The following ACLY variants were observed in gnomAD, a reference collection of about 807,000 sequenced individuals.
ACLY encodes the protein ATP citrate lyase.
A neutral mutation model predicts 133.0 loss-of-function variants in ACLY; 41 were observed. That is an observed-to-expected ratio of 0.31 (90% CI 0.24 to 0.40). The LOEUF (loss-of-function observed/expected upper bound fraction) is 0.40. Ranked by LOEUF, ACLY falls within the 10% of genes least tolerant of loss-of-function variation. ACLY has a pLI of 1.00. For missense variants in ACLY, 1,046 were observed against 1,453.8 expected (o/e 0.72, Z 4.56); for synonymous variants, 495 against 549.3 (o/e 0.90, Z 1.38).
At chr17:41,916,507 G>A (rs982826859) in intron 1 of ACLY, among the ~76,000 whole-genome samples, 1 of 150,832 alleles carries the variant, frequency 6.6e-6, no homozygotes, top group Non-Finnish European at 1.5e-5. Context: ...CTGAGTAGCT[G>A]GGATTACAGA....
At chr17:41,917,860 C>T (rs1415467086) in intron 1 of ACLY, among the ~76,000 whole-genome samples, 3 of 152,118 alleles carry the variant, frequency 2.0e-5, no homozygotes, top group Non-Finnish European at 4.4e-5. Context: ...CCCATCTGGG[C>T]AAATGAGACC....
intron 20 of ACLY, among the ~76,000 whole-genome samples, chr17:41,882,366 C>CAAAAAAAAA (rs1567891152): frequency 4.3e-4 from 2 of 4,672 alleles, no homozygotes; most frequent in Non-Finnish European, 9.1e-4. Context: ...GACCCTGTCT[C>CAAAAAAAAA]CAAAAAAAAA....
exon 1 of ACLY, chr17:41,930,520 T>G (rs976682839): frequency 5.6e-6 from 3 of 534,020 alleles, no homozygotes; most frequent in Non-Finnish European, 1.0e-5. Context: ...CAATCATCAC[T>G]CCCTGGCCCA....
intron 20 of ACLY, 49 bp from the exon 21 acceptor site, chr17:41,878,973 C>G (rs1555626689): frequency 6.2e-7 from 1 of 1,610,564 alleles, no homozygotes; most frequent in East Asian, 2.2e-5. Context: ...CAAGAGTGAA[C>G]ATAGAATCCC....
intron 13 of ACLY, among the ~76,000 whole-genome samples, 158 bp from the exon 14 acceptor site, chr17:41,896,807 C>G (rs1487912811): frequency 1.3e-5 from 2 of 152,160 alleles, no homozygotes; most frequent in East Asian, 3.9e-4. Flanking sequence ...CGGAGTAAGG[C>G]CAGCAGAAGA....
At chr17:41,869,796 C>G (rs188826878) in intron 25 of ACLY, among the ~76,000 whole-genome samples, 16 of 152,328 alleles carry the variant, frequency 1.1e-4, no homozygotes, top group African/African-American at 3.8e-4. Context: ...GGACACAAAA[C>G]AACCTTGGTA....
rs372482204 is a variant in ACLY, at chr17:41,909,117, C to A, written c.537-49G>T. The A allele has an allele frequency of 3.8e-5, 55 of 1,451,910 alleles. No individual in the cohort carries two copies. In the African/African-American group the frequency reaches 6.0e-4, roughly 16 times the overall value. The allele number at this position is 1,451,910 out of a possible 1,614,324, so 89.9% of individuals were successfully genotyped here. ...ACAGTTCATCCATCAGGGAGCAGCTCGGCAGCACCCCAGGCGCCCCGCAGC... is the reference window on the plus strand; with the variant it reads ...ACAGTTCATCCATCAGGGAGCAGCTAGGCAGCACCCCAGGCGCCCCGCAGC... On this transcript the variant is annotated intron_variant, in intron 5 of 28. Coordinates refer to ENST00000352035, the MANE Select transcript of ACLY (RefSeq NM_001096.3).
chr17:41,878,432 C>T (rs2048818598), intron 21 of ACLY, among the ~76,000 whole-genome samples: 1 of 152,068 alleles, frequency 6.6e-6, no homozygotes, highest in Admixed American at 6.6e-5. Context: ...GCCGGGAGTC[C>T]AGGCAGGTTT....
chr17:41,918,918 CCGA>C lies in ACLY; in HGVS notation c.-65_-63del. 7.8e-7 allele frequency: 1 copy of C among 1,289,262 alleles called. No homozygotes were observed. The highest frequency in any genetic ancestry group is 1.0e-6 in the Non-Finnish European group (1 of 988,688). The allele number at this position is 1,289,262 out of a possible 1,614,324, so 79.9% of individuals were successfully genotyped here. ...CGTGCGCGGCGCTTCTTCCACAGGC[CCGA>C]CGAACCCCGCAAAATCCGGAGCACC... On this transcript the variant is annotated 5_prime_UTR_variant, in exon 1 of 29. Coordinates refer to ENST00000352035, the MANE Select transcript of ACLY (RefSeq NM_001096.3).
At chr17:41,922,368 G>GAA (rs2050193347), upstream of ACLY, among the ~76,000 whole-genome samples, 1 of 44,318 alleles carries the variant, frequency 2.3e-5, no homozygotes, top group Admixed American at 3.5e-4. Context: ...GACAGAGCGA[G>GAA]ACAAAAAAAA....
At chr17:41,904,463 GA>G (rs2049650263) in intron 10 of ACLY, 1 of 490,318 alleles carries the variant, frequency 2.0e-6, no homozygotes, top group Admixed American at 3.3e-5. Context: ...TGAGAAGGAA[GA>G]AAGCAGAAAT....
intron 22 of ACLY, among the ~76,000 whole-genome samples, chr17:41,874,955 G>A (rs1393549454): frequency 6.7e-6 from 1 of 149,664 alleles, no homozygotes; most frequent in East Asian, 1.9e-4. Flanking sequence ...GGCTTAGAGA[G>A]GCTCAGTAAC....
intron 13 of ACLY, 124 bp from the exon 14 acceptor site, chr17:41,896,773 C>A: frequency 1.3e-6 from 1 of 759,836 alleles, no homozygotes; most frequent in Non-Finnish European, 2.0e-6. Flanking sequence ...CCTCATCATC[C>A]CTCTCCTGTT....
intron 20 of ACLY, among the ~76,000 whole-genome samples, chr17:41,882,034 G>A (rs1330568763): frequency 6.6e-6 from 1 of 151,908 alleles, no homozygotes; most frequent in Non-Finnish European, 1.5e-5. Flanking sequence ...CCATTAGTTT[G>A]TGGATATGCC....
At chr17:41,901,268 A>G (rs1306277888) in intron 11 of ACLY, among the ~76,000 whole-genome samples, 1 of 151,690 alleles carries the variant, frequency 6.6e-6, no homozygotes, top group Non-Finnish European at 1.5e-5. Flanking sequence ...TTGATCAAGC[A>G]TTTTCTGATC....
At chr17:41,924,312 T>C (rs1598057861) in intron 1 of ACLY, among the ~76,000 whole-genome samples, 1 of 145,138 alleles carries the variant, frequency 6.9e-6, no homozygotes, top group East Asian at 2.0e-4. Context: ...ACCCGGCTGA[T>C]TTTTTTTTTT....
At chr17:41,911,867 C>G (rs1262082814) in intron 3 of ACLY, among the ~76,000 whole-genome samples, 2 of 152,018 alleles carry the variant, frequency 1.3e-5, no homozygotes, top group African/African-American at 2.4e-5. Flanking sequence ...ATAATCCCAG[C>G]ACTTTGGGAA....
At chr17:41,913,660 C>T (rs2049967640) in intron 2 of ACLY, 55 bp downstream of exon 2, 8 of 1,580,966 alleles carry the variant, frequency 5.1e-6, no homozygotes, top group Non-Finnish European at 6.9e-6. Flanking sequence ...CAATGGCTTT[C>T]TCTTCCTCAG....
chr17:41,925,876 G>C (rs1287949387), intron 1 of ACLY, among the ~76,000 whole-genome samples: 2 of 151,160 alleles, frequency 1.3e-5, no homozygotes, highest in African/African-American at 4.9e-5. Context: ...AGAGAGTCTT[G>C]CTCTGTCGCC....
Sources: gnomAD v4.1 joint callset for allele counts (sites outside exome capture counted in the v4.1 genomes callset) on GRCh38, gnomAD v4.1.1 for gene constraint, MANE v1.5 for transcripts, NCBI Gene and HGNC (gene_info 2026-07-23, HGNC 2026-07-21) for gene names.